The following GPC5 variants were observed in gnomAD, a reference collection of about 807,000 sequenced individuals.
The protein encoded by GPC5 is glypican-5.
Under a neutral mutation model 53.9 loss-of-function variants are expected in GPC5, and 47 were observed. The ratio of observed to expected loss-of-function variants is 0.87; its 90% CI spans 0.69 to 1.11. GPC5 has a LOEUF of 1.11. Ranked by LOEUF, GPC5 falls within the 50% of genes most tolerant of loss-of-function variation. The probability of loss-of-function intolerance (pLI) is 0.00; values close to 1 mark genes in which losing one functional copy is unlikely to be tolerated. For synonymous variants in GPC5, 286 were observed against 263.3 expected, an observed-to-expected ratio of 1.09 and a Z score of -0.84; for missense variants, 748 against 713.1, an observed-to-expected ratio of 1.05 and a Z score of -0.56.
chr13:91,701,804 G>C (rs114111770), intron 3 of GPC5, among the ~76,000 whole-genome samples: 1 of 152,114 alleles, frequency 6.6e-6, no homozygotes, highest in African/African-American at 2.4e-5. Context: ...TCTTTTCGAT[G>C]TATACCCAAA....
chr13:91,749,893 C>T (rs1172739220), intron 4 of GPC5, among the ~76,000 whole-genome samples: 1 of 152,222 alleles, frequency 6.6e-6, no homozygotes, highest in Admixed American at 6.5e-5. Context: ...TCACTACAAC[C>T]TCTGCCTCCT....
chr13:92,600,663 A>ATT (rs112159074), intron 7 of GPC5, among the ~76,000 whole-genome samples: 74,437 of 139,046 alleles, frequency 0.54, 22,594 homozygotes, highest in South Asian at 0.81. Context: ...ACACCCAGCT[A>ATT]TTTTTTTTTT....
intron 7 of GPC5, among the ~76,000 whole-genome samples, chr13:92,821,338 G>A (rs1877665156): frequency 6.6e-6 from 1 of 152,074 alleles, no homozygotes; most frequent in Non-Finnish European, 1.5e-5. Flanking sequence ...TGTGTAATTA[G>A]AATTATGCAT....
At chr13:92,819,879 C>A (rs1877615659) in intron 7 of GPC5, among the ~76,000 whole-genome samples, 1 of 152,080 alleles carries the variant, frequency 6.6e-6, no homozygotes, top group Non-Finnish European at 1.5e-5. Flanking sequence ...AACATGACTG[C>A]CTCCTTTCTT....
intron 7 of GPC5, among the ~76,000 whole-genome samples, chr13:92,490,449 A>G (rs1879718200): frequency 6.6e-6 from 1 of 152,114 alleles, no homozygotes; most frequent in African/African-American, 2.4e-5. Context: ...TCTAATCAGT[A>G]TCCTTGCTAT....
At chr13:92,731,253 A>T (rs1256236525) in intron 7 of GPC5, among the ~76,000 whole-genome samples, 1 of 151,576 alleles carries the variant, frequency 6.6e-6, no homozygotes, top group East Asian at 1.9e-4. Context: ...TCATGGAAAA[A>T]TACTTCAATG....
intron 7 of GPC5, among the ~76,000 whole-genome samples, chr13:92,500,407 C>T (rs756361791): frequency 2.0e-5 from 3 of 152,072 alleles, no homozygotes; most frequent in South Asian, 2.1e-4. Context: ...TTACTGTTGC[C>T]GGACCCCCAG....
At position 92,731,282 on chromosome 13, in the gene GPC5, A is replaced by T. The variant is rs145840893; in HGVS notation, c.1562-135000A>T. On this transcript the variant is annotated intron_variant, in intron 7 of 7. Coordinates refer to ENST00000377067, the MANE Select transcript of GPC5 (RefSeq NM_004466.6). ...TTCAATGTGATGTAATTAGAGCTCA[A>T]AATAAACTTTCTGAAACTAAATGTC... Among the ~76,000 whole-genome samples the T allele has an allele frequency of 2.1e-3, 315 of 151,644 alleles. 1 individual carries two copies. The highest frequency in any genetic ancestry group is 7.4e-3 in the African/African-American group (305 of 41,492).
At chr13:92,672,856 G>A (rs1046924404) in intron 7 of GPC5, among the ~76,000 whole-genome samples, 1 of 152,108 alleles carries the variant, frequency 6.6e-6, no homozygotes, top group African/African-American at 2.4e-5. Flanking sequence ...ACACATAGAG[G>A]GGAATAACAC....
intron 7 of GPC5, among the ~76,000 whole-genome samples, chr13:92,755,404 A>AT (rs199862696): frequency 0.18 from 26,407 of 147,478 alleles, 2,816 homozygotes; most frequent in Non-Finnish European, 0.25. Context: ...ATACCCTAAC[A>AT]TCACAATTAA....
chr13:91,902,482 T>C (rs1189371546), intron 5 of GPC5, among the ~76,000 whole-genome samples: 3 of 152,050 alleles, frequency 2.0e-5, no homozygotes, highest in African/African-American at 7.2e-5. Flanking sequence ...CTGCTGTCAC[T>C]CATTCCCAGC....
At chr13:92,276,931 T>C (rs1233229660) in intron 7 of GPC5, among the ~76,000 whole-genome samples, 1 of 152,072 alleles carries the variant, frequency 6.6e-6, no homozygotes, top group African/African-American at 2.4e-5. Context: ...AGGAGGTATA[T>C]ATTAGTCATG....
At chr13:92,004,318 G>A (rs9516000) in intron 6 of GPC5, among the ~76,000 whole-genome samples, 72,165 of 149,850 alleles carry the variant, frequency 0.48, 17,849 homozygotes, top group East Asian at 0.75. Flanking sequence ...GGTGACGTGC[G>A]CCTGTAGTCC....
intron 5 of GPC5, among the ~76,000 whole-genome samples, chr13:91,853,816 A>C (rs945327220): frequency 1.3e-5 from 2 of 151,976 alleles, no homozygotes; most frequent in African/African-American, 4.8e-5. Context: ...CTAGGTCATA[A>C]CATTTTATTG....
intron 7 of GPC5, among the ~76,000 whole-genome samples, chr13:92,518,006 T>G (rs1407939752): frequency 6.6e-6 from 1 of 152,174 alleles, no homozygotes; most frequent in Non-Finnish European, 1.5e-5. Context: ...CTGAAAACCA[T>G]GGCACGAGAA....
At chr13:92,754,198 T>C (rs1049725752) in intron 7 of GPC5, among the ~76,000 whole-genome samples, 12 of 152,154 alleles carry the variant, frequency 7.9e-5, no homozygotes, top group Non-Finnish European at 1.8e-4. Context: ...GACAAGAATT[T>C]TCAACCCAGA....
rs1175120330 is a variant in GPC5 at position 92,064,756 on chromosome 13, C to CAAAAAAAAAAAAAAAAAAAA, written c.1402-80062_1402-80061insAAAAAAAAAAAAAAAAAAAA. On this transcript the variant is annotated intron_variant, in intron 6 of 7. Transcript: ENST00000377067. ...TGGGCGACAGAGCGAGACTCCGTCT[C>CAAAAAAAAAAAAAAAAAAAA]AAAAAAAAAAAACAAAACAAAACTC... Among the ~76,000 whole-genome samples, 124 of 33,478 alleles carry CAAAAAAAAAAAAAAAAAAAA rather than the reference C, an allele frequency of 3.7e-3. 13 individuals are homozygous for CAAAAAAAAAAAAAAAAAAAA. Among genetic ancestry groups the CAAAAAAAAAAAAAAAAAAAA allele is most frequent in the East Asian group, 8.6e-3 (6 of 696 alleles). The allele number at this position is 33,478 out of a possible 152,430, so 22.0% of individuals were successfully genotyped here. A position where few individuals can be genotyped will look rare whatever the true frequency, so the allele number is the denominator to read the frequency against.
intron 7 of GPC5, among the ~76,000 whole-genome samples, chr13:92,455,392 A>G (rs1027660393): frequency 5.9e-5 from 9 of 152,224 alleles, no homozygotes; most frequent in African/African-American, 1.9e-4. Flanking sequence ...ATCTCTAAAA[A>G]TTCAAGATTT....
chr13:92,594,604 A>G (rs1357775557), intron 7 of GPC5, among the ~76,000 whole-genome samples: 1 of 152,114 alleles, frequency 6.6e-6, no homozygotes, highest in Non-Finnish European at 1.5e-5. Context: ...ATCTTTGCTA[A>G]CCCTCTCGTC....
Sources: allele counts gnomAD v4.1 joint callset (sites outside exome capture counted in the v4.1 genomes callset), GRCh38; gene constraint gnomAD v4.1.1; transcripts MANE v1.5; gene names NCBI Gene and HGNC (gene_info 2026-07-23, HGNC 2026-07-21).